RHOJ: variants seen among roughly 807,000 people sequenced by gnomAD.
RHOJ encodes rho-related GTP-binding protein RhoJ.
A neutral mutation model predicts 23.4 loss-of-function variants in RHOJ; 11 were observed. The ratio of observed to expected loss-of-function variants is 0.47; its 90% CI spans 0.30 to 0.78. RHOJ has a LOEUF of 0.78. Among genes scored for constraint, RHOJ ranks in the 30% least tolerant of loss-of-function variants. The probability of loss-of-function intolerance (pLI) is 0.08; values close to 1 mark genes in which losing one functional copy is unlikely to be tolerated. For synonymous variants in RHOJ, 102 were observed against 102.7 expected, an observed-to-expected ratio of 0.99 and a Z score of 0.04; for missense variants, 254 against 273.4, an observed-to-expected ratio of 0.93 and a Z score of 0.50.
At chr14:63,223,798 TA>T (rs1263643098) in intron 1 of RHOJ, among the ~76,000 whole-genome samples, 2 of 152,132 alleles carry the variant, frequency 1.3e-5, no homozygotes, top group African/African-American at 4.8e-5. Context: ...ACCTCATCGT[TA>T]AAAGATGACG....
intron 1 of RHOJ, among the ~76,000 whole-genome samples, chr14:63,248,240 G>T (rs1267193316): frequency 6.6e-6 from 1 of 152,018 alleles, no homozygotes; most frequent in Non-Finnish European, 1.5e-5. Flanking sequence ...AAATTCAAAT[G>T]GGGGCAAAAT....
chr14:63,282,893 AG>A (rs1464719274), intron 3 of RHOJ, among the ~76,000 whole-genome samples: 2 of 152,126 alleles, frequency 1.3e-5, no homozygotes, highest in Non-Finnish European at 2.9e-5. Flanking sequence ...TTCAGCTTGC[AG>A]GGTAACTGTT....
chr14:63,236,669 G>C (rs1269187031), intron 1 of RHOJ, among the ~76,000 whole-genome samples: 3 of 151,908 alleles, frequency 2.0e-5, no homozygotes, highest in Admixed American at 6.6e-5. Flanking sequence ...AACCCAGTCT[G>C]TATGTGGCAT....
In RHOJ at chr14:63,280,996, T is replaced by C; in HGVS notation, c.263T>C (p.Leu88Pro). Residue 88 changes from leucine (L) to proline (P), a missense_variant, in exon 3 of 5, where the codon CTC (leucine) becomes CCC (proline). Physicochemically the swap from Leu to Pro is moderately conservative, Grantham distance 98. Transcript: ENST00000316754. ...GQEDYNQLRP[L>P]SYPNTDVFLI... ...GAGGACTACAACCAGCTGAGGCCACTCTCCTACCCCAACACGGATGTGTTT... is the reference window on the plus strand; with the variant it reads ...GAGGACTACAACCAGCTGAGGCCACCCTCCTACCCCAACACGGATGTGTTT... The C allele has an allele frequency of 6.2e-7, 1 of 1,613,738 alleles. No individual in the cohort carries two copies. The highest frequency in any genetic ancestry group is 8.5e-7 in the Non-Finnish European group (1 of 1,179,826).
chr14:63,256,015 C>A (rs1238999643), intron 1 of RHOJ, among the ~76,000 whole-genome samples: 3 of 152,092 alleles, frequency 2.0e-5, no homozygotes, highest in Admixed American at 2.0e-4. Context: ...AGTACAGGCA[C>A]GTGCCACCTG....
rs116090290 is a variant in RHOJ, at chr14:63,273,245, G to A, written c.237+4077G>A. Among the ~76,000 whole-genome samples the A allele has an allele frequency of 9.6e-3, 1,462 of 152,286 alleles. 18 individuals are homozygous for A. Among genetic ancestry groups the A allele is most frequent in the African/African-American group, 0.033 (1,370 of 41,540 alleles). ...AATGAATTGAGGAATTTTTCTCAGG[G>A]TGAGTGCATGTTACTTCTCAGATCA... On this transcript the variant is annotated intron_variant, in intron 2 of 4. Transcript: ENST00000316754.
chr14:63,263,106 T>C (rs1164975989), intron 1 of RHOJ, among the ~76,000 whole-genome samples: 3 of 152,190 alleles, frequency 2.0e-5, no homozygotes, highest in Non-Finnish European at 4.4e-5. Context: ...AGTACTTTCT[T>C]TGGTAGGTGA....
chr14:63,262,922 C>T (rs2139650214), intron 1 of RHOJ, among the ~76,000 whole-genome samples: 1 of 152,286 alleles, frequency 6.6e-6, no homozygotes, highest in Admixed American at 6.5e-5. Context: ...TAAGATCACA[C>T]CATGTGCCAG....
chr14:63,274,148 C>T (rs983817638), intron 2 of RHOJ, among the ~76,000 whole-genome samples: 1 of 152,200 alleles, frequency 6.6e-6, no homozygotes, highest in Non-Finnish European at 1.5e-5. Context: ...CCAGGCTCCA[C>T]TTGGAAGGAC....
chr14:63,241,162 T>TAA (rs1166057440), intron 1 of RHOJ, among the ~76,000 whole-genome samples: 1 of 152,244 alleles, frequency 6.6e-6, no homozygotes, highest in Non-Finnish European at 1.5e-5. Flanking sequence ...GGCCACGCCA[T>TAA]ACGCGCATTC....
In RHOJ at chr14:63,280,954, G is replaced by A. The variant is rs1881877391; in HGVS notation, c.238-17G>A. On this transcript the variant is annotated splice_polypyrimidine_tract_variant and intron_variant, in intron 2 of 4. Transcript: ENST00000316754. ...CCTTACACAGGCTGTACAAACCCTT[G>A]TCTGCTCTTCCCACAGGAGGACTAC... The A allele has an allele frequency of 6.2e-7, 1 of 1,606,936 alleles. No individual in the cohort carries two copies. The highest frequency in any genetic ancestry group is 8.5e-7 in the Non-Finnish European group (1 of 1,176,486).
chr14:63,289,405 T>C (rs1041931710), intron 4 of RHOJ, among the ~76,000 whole-genome samples: 20 of 152,240 alleles, frequency 1.3e-4, no homozygotes, highest in African/African-American at 4.6e-4. Flanking sequence ...TTGGGCATAA[T>C]AGGCCTATGA....
intron 1 of RHOJ, among the ~76,000 whole-genome samples, chr14:63,236,680 G>A (rs1481183667): frequency 6.6e-6 from 1 of 151,534 alleles, no homozygotes; most frequent in Non-Finnish European, 1.5e-5. Context: ...TATGTGGCAT[G>A]AAATGTTTTC....
At chr14:63,285,318 C>T (rs757132667) in intron 4 of RHOJ, among the ~76,000 whole-genome samples, 16 of 152,160 alleles carry the variant, frequency 1.1e-4, no homozygotes, top group Non-Finnish European at 2.2e-4. Flanking sequence ...TAACCACCTG[C>T]TCTTCTGCCT....
intron 2 of RHOJ, among the ~76,000 whole-genome samples, chr14:63,278,488 A>C (rs888275458): frequency 6.6e-6 from 1 of 152,162 alleles, no homozygotes; most frequent in Non-Finnish European, 1.5e-5. Context: ...CAGGTTTGTT[A>C]CATAGGTATA....
chr14:63,270,611 A>C (rs1434502566), intron 2 of RHOJ, among the ~76,000 whole-genome samples: 1 of 152,188 alleles, frequency 6.6e-6, no homozygotes, highest in African/African-American at 2.4e-5. Flanking sequence ...AGGGTACACC[A>C]CTTTGGAGGC....
intron 1 of RHOJ, among the ~76,000 whole-genome samples, chr14:63,265,770 G>A (rs574187158): frequency 6.6e-6 from 1 of 152,226 alleles, no homozygotes; most frequent in African/African-American, 2.4e-5. Context: ...TAAGGTGTAC[G>A]TTGGTTAGGC....
chr14:63,267,532 C>T (rs17224645), intron 1 of RHOJ, among the ~76,000 whole-genome samples: 11,327 of 152,258 alleles, frequency 0.074, 522 homozygotes, highest in East Asian at 0.2. Context: ...TGGATGTCTC[C>T]CTTCATGCCT....
At chr14:63,239,331 C>T (rs1360455247) in intron 1 of RHOJ, among the ~76,000 whole-genome samples, 1 of 152,078 alleles carries the variant, frequency 6.6e-6, no homozygotes, top group Non-Finnish European at 1.5e-5. Context: ...AGGCTAGTCT[C>T]GAACTCCTGA....
Sources: allele counts gnomAD v4.1 joint callset (sites outside exome capture counted in the v4.1 genomes callset), GRCh38; gene constraint gnomAD v4.1.1; transcripts MANE v1.5; gene names NCBI Gene and HGNC (gene_info 2026-07-23, HGNC 2026-07-21).